ADGRL3: variants seen among roughly 807,000 people sequenced by gnomAD.
ADGRL3 encodes adhesion G protein-coupled receptor L3.
A neutral mutation model predicts 153.5 loss-of-function variants in ADGRL3; 62 were observed. The ratio of observed to expected loss-of-function variants is 0.40; its 90% confidence interval spans 0.33 to 0.50. The LOEUF is 0.50. Ranked by LOEUF, ADGRL3 falls within the 20% of genes least tolerant of loss-of-function variation. The probability of loss-of-function intolerance (pLI) is 0.47; values close to 1 mark genes in which losing one functional copy is unlikely to be tolerated. For synonymous variants in ADGRL3, 710 were observed against 672.5 expected (o/e 1.06, Z -0.86); for missense variants, 1,641 against 1,859.4 (o/e 0.88, Z 2.16).
At chr4:61,625,429 C>A (rs1004347180) in intron 5 of ADGRL3, among the ~76,000 whole-genome samples, 18 of 152,038 alleles carry the variant, frequency 1.2e-4, no homozygotes, top group African/African-American at 4.3e-4. Flanking sequence ...TAGAATAAAG[C>A]ATATAAATAT....
intron 1 of ADGRL3, among the ~76,000 whole-genome samples, chr4:61,312,778 G>A (rs373006889): frequency 6.6e-6 from 1 of 152,144 alleles, no homozygotes; most frequent in African/African-American, 2.4e-5. Context: ...CTCATTGCTG[G>A]TGAGAACGCA....
Position 61,879,062 on chromosome 4 carries a change from G to C in ADGRL3, c.1481-13594G>C, listed in dbSNP as rs2098493609. Among the ~76,000 whole-genome samples, 3 of 152,010 alleles carry C rather than the reference G, an allele frequency of 2.0e-5. No homozygotes were observed. In the South Asian group the frequency reaches 6.2e-4, roughly 31 times the overall value. On this transcript the variant is annotated intron_variant, in intron 9 of 26. Transcript: ENST00000683033. ...TCATCTGAAATGTTGAAATATCATA[G>C]AGTAGGCAAGAGAATTTGAAGAAAT...
chr4:61,929,582 G>T (rs1316335535), intron 13 of ADGRL3, among the ~76,000 whole-genome samples: 1 of 152,172 alleles, frequency 6.6e-6, no homozygotes, highest in Non-Finnish European at 1.5e-5. Context: ...GAGTTATCCT[G>T]CATGGCAAAT....
intron 9 of ADGRL3, among the ~76,000 whole-genome samples, chr4:61,875,400 A>G (rs2098469502): frequency 6.6e-6 from 1 of 152,186 alleles, no homozygotes; most frequent in South Asian, 2.1e-4. Flanking sequence ...ACACAAAAAT[A>G]GTTATTGAAT....
At chr4:61,578,091 A>G (rs184367417) in intron 4 of ADGRL3, among the ~76,000 whole-genome samples, 121 of 152,208 alleles carry the variant, frequency 7.9e-4, no homozygotes, top group Non-Finnish European at 1.5e-3. Context: ...GAAATGGGAA[A>G]CCATAAAGAT....
chr4:61,565,567 C>G (rs1245436022), intron 4 of ADGRL3, among the ~76,000 whole-genome samples: 1 of 151,450 alleles, frequency 6.6e-6, no homozygotes, highest in Non-Finnish European at 1.5e-5. Flanking sequence ...GATGAAGTCT[C>G]ACTCTTGTCG....
At chr4:61,502,830 G>C (rs1056335835) in intron 3 of ADGRL3, among the ~76,000 whole-genome samples, 2 of 152,136 alleles carry the variant, frequency 1.3e-5, no homozygotes, top group Admixed American at 6.6e-5. Flanking sequence ...TATTAGTGGT[G>C]AAAGAGTCAG....
chr4:61,656,945 A>G (rs1185875504), intron 5 of ADGRL3, among the ~76,000 whole-genome samples: 1 of 152,192 alleles, frequency 6.6e-6, no homozygotes, highest in Non-Finnish European at 1.5e-5. Flanking sequence ...TCTTAATGGC[A>G]GTCTCCCAGT....
chr4:61,657,094 A>G (rs2094461534), intron 5 of ADGRL3, among the ~76,000 whole-genome samples: 1 of 152,294 alleles, frequency 6.6e-6, no homozygotes, highest in Non-Finnish European at 1.5e-5. Flanking sequence ...ACAGTAGCCA[A>G]TAAAAAACAT....
chr4:61,819,737 A>T (rs545268164), intron 9 of ADGRL3, among the ~76,000 whole-genome samples: 1 of 152,224 alleles, frequency 6.6e-6, no homozygotes, highest in Admixed American at 6.5e-5. Context: ...ATAACAGAGA[A>T]GACTGCTTCA....
At chr4:61,525,014 C>A (rs1441736302) in intron 4 of ADGRL3, among the ~76,000 whole-genome samples, 1 of 151,822 alleles carries the variant, frequency 6.6e-6, no homozygotes, top group African/African-American at 2.4e-5. Flanking sequence ...TCTATGGTAC[C>A]CTTTATAAGG....
chr4:61,883,044 A>T (rs1291001802), intron 9 of ADGRL3, among the ~76,000 whole-genome samples: 1 of 152,166 alleles, frequency 6.6e-6, no homozygotes, highest in Admixed American at 6.5e-5. Context: ...TGAACCCAGG[A>T]GGCAGAAGTT....
intron 21 of ADGRL3, among the ~76,000 whole-genome samples, chr4:62,016,225 T>C (rs1037729556): frequency 6.6e-6 from 1 of 152,108 alleles, no homozygotes; most frequent in African/African-American, 2.4e-5. Context: ...ATTTTTGTAT[T>C]TTTAGTAGAG....
In ADGRL3 at chr4:61,676,832, T is replaced by C. The variant is rs768752441; in HGVS notation, c.480T>C (p.Asn160=). ...TCCTTTCTTTTGACTTCAGATGCAA[T>C]AACAGAACCCAGTGTGCAGTGGTGG... is the stretch of plus-strand genomic sequence containing the variant. ...DAYKIMSQRC[N]NRTQCAVVAG... is the part of the protein sequence containing the mutation. Residue 160 remains asparagine (N), a synonymous_variant, in exon 6 of 27, where the codon AAT becomes AAC. Coordinates refer to ENST00000683033, the MANE Select transcript of ADGRL3 (RefSeq NM_001387552.1). The C allele has an allele frequency of 4.3e-6, 7 of 1,610,568 alleles. No homozygotes were observed. Among genetic ancestry groups the C allele is most frequent in the African/African-American group, 1.3e-5 (1 of 74,888 alleles).
At chr4:61,733,576 A>G (rs769407604) in intron 8 of ADGRL3, 22 bp downstream of exon 8, 8 of 1,484,048 alleles carry the variant, frequency 5.4e-6, no homozygotes. Context: ...CTTTTGTGGT[A>G]CTCTTTGGGG....
chr4:61,373,806 G>A (rs547261877), intron 1 of ADGRL3, among the ~76,000 whole-genome samples: 2 of 152,204 alleles, frequency 1.3e-5, no homozygotes, highest in South Asian at 4.2e-4. Flanking sequence ...AAGCCAACAG[G>A]TTAAAAACAT....
At chr4:61,444,948 A>G (rs2606716) in intron 2 of ADGRL3, among the ~76,000 whole-genome samples, 141,500 of 152,008 alleles carry the variant, frequency 0.93, 66,712 homozygotes, top group East Asian at 1. Flanking sequence ...AGCTACTCGG[A>G]GACTGGGGTG....
chr4:61,969,552 T>G (rs1337202549), intron 17 of ADGRL3, among the ~76,000 whole-genome samples: 2 of 152,176 alleles, frequency 1.3e-5, no homozygotes, highest in Non-Finnish European at 2.9e-5. Context: ...TTTGGTATTA[T>G]AGTCATACTC....
intron 6 of ADGRL3, among the ~76,000 whole-genome samples, chr4:61,692,884 C>T (rs1208710332): frequency 2.0e-5 from 3 of 152,076 alleles, no homozygotes; most frequent in Non-Finnish European, 2.9e-5. Flanking sequence ...GTACCTTTAG[C>T]GTGTTCTTGA....
Sources: allele counts gnomAD v4.1 joint callset (sites outside exome capture counted in the v4.1 genomes callset), GRCh38; gene constraint gnomAD v4.1.1; transcripts MANE v1.5; gene names NCBI Gene and HGNC (gene_info 2026-07-23, HGNC 2026-07-21).